Variants in GPC5 observed in about 807,000 individuals in gnomAD.
GPC5 encodes glypican 5, also known as glypican-5.
GPC5 carries 47 observed loss-of-function variants against 53.9 expected under a neutral mutation model. The observed-to-expected ratio is 0.87, with a 90% CI of 0.69 to 1.11. The LOEUF is 1.11. Among genes scored for constraint, GPC5 ranks in the 50% most tolerant of loss-of-function variants. The pLI, the probability that GPC5 is intolerant of heterozygous loss-of-function variation, is 0.00. For synonymous variants in GPC5, 286 were observed against 263.3 expected (o/e 1.09, Z -0.84); for missense variants, 748 against 713.1 (o/e 1.05, Z -0.56).
At chr13:92,502,449 A>G (rs113279893) in intron 7 of GPC5, among the ~76,000 whole-genome samples, 1,984 of 152,142 alleles carry the variant, frequency 0.013, 37 homozygotes, top group African/African-American at 0.045. Flanking sequence ...TAAAAAAAAC[A>G]TGAAATGGCT....
intron 7 of GPC5, among the ~76,000 whole-genome samples, chr13:92,843,821 T>C: frequency 6.6e-6 from 1 of 152,080 alleles, no homozygotes; most frequent in East Asian, 1.9e-4. Context: ...CTGATGTAAC[T>C]GTGTAACTTA....
intron 3 of GPC5, among the ~76,000 whole-genome samples, chr13:91,716,734 G>A (rs145861595): frequency 6.6e-6 from 1 of 152,332 alleles, no homozygotes; most frequent in East Asian, 1.9e-4. Context: ...GTAAGTAGAT[G>A]TGAGGAATGA....
At chr13:92,417,295 T>C (rs9523668) in intron 7 of GPC5, among the ~76,000 whole-genome samples, 57,660 of 151,984 alleles carry the variant, frequency 0.38, 11,267 homozygotes, top group Non-Finnish European at 0.42. Flanking sequence ...AAATGAACAC[T>C]CCGATGAGAT....
intron 6 of GPC5, among the ~76,000 whole-genome samples, chr13:91,999,213 T>C (rs1212529559): frequency 1.3e-5 from 2 of 152,134 alleles, no homozygotes; most frequent in African/African-American, 4.8e-5. Context: ...TAACCTTTTT[T>C]TTTTCTGTAA....
chr13:92,696,099 G>A (rs565527713), intron 7 of GPC5, among the ~76,000 whole-genome samples: 1 of 152,180 alleles, frequency 6.6e-6, no homozygotes, highest in South Asian at 2.1e-4. Context: ...GTCTATCGTT[G>A]ATGGGCATTT....
intron 7 of GPC5, among the ~76,000 whole-genome samples, chr13:92,738,219 T>G (rs1457959802): frequency 6.6e-6 from 1 of 152,076 alleles, no homozygotes; most frequent in Non-Finnish European, 1.5e-5. Context: ...TTTTTACCAT[T>G]TCCAGGAGAT....
intron 2 of GPC5, among the ~76,000 whole-genome samples, chr13:91,493,959 C>T (rs1030762543): frequency 6.6e-5 from 10 of 151,996 alleles, no homozygotes; most frequent in East Asian, 1.9e-4. Flanking sequence ...CTGCAACCTC[C>T]GCCTCCCTGG....
intron 5 of GPC5, among the ~76,000 whole-genome samples, chr13:91,902,098 C>T (rs2039503826): frequency 1.3e-5 from 2 of 151,844 alleles, no homozygotes; most frequent in African/African-American, 2.4e-5. Flanking sequence ...TAATGAATTC[C>T]AGGGTCAGAT....
chr13:92,580,038 C>T (rs1038373671), intron 7 of GPC5, among the ~76,000 whole-genome samples: 6 of 152,204 alleles, frequency 3.9e-5, no homozygotes, highest in Non-Finnish European at 5.9e-5. Flanking sequence ...AGACCTCTGT[C>T]GCTTTCATTA....
intron 7 of GPC5, among the ~76,000 whole-genome samples, chr13:92,576,924 A>G (rs1410284181): frequency 6.6e-6 from 1 of 152,212 alleles, no homozygotes; most frequent in Non-Finnish European, 1.5e-5. Context: ...TGGAGTAAAC[A>G]ACTGTATCTT....
chr13:91,443,142 G>T (rs968647827), intron 1 of GPC5, among the ~76,000 whole-genome samples: 1 of 152,122 alleles, frequency 6.6e-6, no homozygotes, highest in Admixed American at 6.6e-5. Flanking sequence ...AACATTTTGA[G>T]GGTGGCTTCT....
chr13:92,612,907 G>T (rs1594346805), intron 7 of GPC5, among the ~76,000 whole-genome samples: 1 of 151,854 alleles, frequency 6.6e-6, no homozygotes, highest in East Asian at 1.9e-4. Context: ...CATAACAAAT[G>T]ACATTTATTT....
chr13:91,649,973 G>A (rs1365350790), intron 2 of GPC5, among the ~76,000 whole-genome samples: 2 of 151,976 alleles, frequency 1.3e-5, no homozygotes, highest in Admixed American at 6.6e-5. Context: ...TGTAGAAAAT[G>A]GCACATAGAG....
chr13:92,449,878 G>A (rs1420501368), intron 7 of GPC5, among the ~76,000 whole-genome samples: 1 of 151,928 alleles, frequency 6.6e-6, no homozygotes, highest in Non-Finnish European at 1.5e-5. Flanking sequence ...TTACTTCTTT[G>A]TTATTCTACA....
At chr13:92,021,289 A>C (rs748903801) in intron 6 of GPC5, among the ~76,000 whole-genome samples, 28 of 152,234 alleles carry the variant, frequency 1.8e-4, no homozygotes, top group Non-Finnish European at 4.1e-4. Flanking sequence ...ATGGGATACT[A>C]TTCAGCATTT....
At chr13:91,809,511 T>C (rs1410250994) in intron 5 of GPC5, among the ~76,000 whole-genome samples, 2 of 152,164 alleles carry the variant, frequency 1.3e-5, no homozygotes, top group Non-Finnish European at 2.9e-5. Flanking sequence ...AATGGCCTTG[T>C]TGGTTGTGGC....
chr13:92,300,245 A>G (rs904106697), intron 7 of GPC5, among the ~76,000 whole-genome samples: 7 of 152,066 alleles, frequency 4.6e-5, no homozygotes, highest in Admixed American at 2.0e-4. Context: ...ATTGCAAAAC[A>G]CACTGCACCA....
At chr13:92,026,908 T>C (rs1194771469) in intron 6 of GPC5, among the ~76,000 whole-genome samples, 1 of 152,178 alleles carries the variant, frequency 6.6e-6, no homozygotes, top group African/African-American at 2.4e-5. Flanking sequence ...GTGATTTGTT[T>C]TGATTCCATG....
chr13:92,859,624 C>A (rs1380376218), intron 7 of GPC5, among the ~76,000 whole-genome samples: 1 of 151,886 alleles, frequency 6.6e-6, no homozygotes, highest in Non-Finnish European at 1.5e-5. Context: ...TCACTAAGAA[C>A]TAGTATATAA....
Sources: allele counts gnomAD v4.1 joint callset (sites outside exome capture counted in the v4.1 genomes callset), GRCh38; gene constraint gnomAD v4.1.1; transcripts MANE v1.5; gene names NCBI Gene and HGNC (gene_info 2026-07-23, HGNC 2026-07-21).